Variants in CNTN5 observed in about 807,000 individuals in gnomAD.
CNTN5 encodes the protein contactin-5.
A neutral mutation model predicts 129.1 loss-of-function variants in CNTN5; 77 were observed. The observed-to-expected ratio is 0.60, with a 90% CI of 0.50 to 0.72. CNTN5 has a LOEUF of 0.72. Ranked by LOEUF, CNTN5 falls within the 30% of genes least tolerant of loss-of-function variation. CNTN5 has a pLI of 0.00. For synonymous variants in CNTN5, 509 were observed against 465.6 expected, an observed-to-expected ratio of 1.09 and a Z score of -1.20; for missense variants, 1,478 against 1,328.8, an observed-to-expected ratio of 1.11 and a Z score of -1.75.
intron 7 of CNTN5, among the ~76,000 whole-genome samples, chr11:99,923,998 G>C (rs1950001859): frequency 6.6e-6 from 1 of 152,092 alleles, no homozygotes; most frequent in Admixed American, 6.6e-5. Flanking sequence ...CACCATGTTG[G>C]CCACGATGGC....
At chr11:99,835,564 A>G (rs1387987947) in intron 4 of CNTN5, among the ~76,000 whole-genome samples, 1 of 152,172 alleles carries the variant, frequency 6.6e-6, no homozygotes, top group East Asian at 1.9e-4. Context: ...AAAATCCAAA[A>G]CAAGAACCAC....
chr11:99,328,997 A>G (rs1411493425), intron 2 of CNTN5, among the ~76,000 whole-genome samples: 1 of 152,064 alleles, frequency 6.6e-6, no homozygotes, highest in Non-Finnish European at 1.5e-5. Flanking sequence ...CTGAGGCTGC[A>G]TGAATTTCTT....
intron 2 of CNTN5, among the ~76,000 whole-genome samples, chr11:99,535,978 G>C (rs371737946): frequency 6.6e-6 from 1 of 152,062 alleles, no homozygotes; most frequent in Admixed American, 6.6e-5. Flanking sequence ...TGGGTTGCTA[G>C]CCTTTCAGAA....
chr11:99,560,571 G>A (rs915462619), intron 3 of CNTN5, among the ~76,000 whole-genome samples: 15 of 152,074 alleles, frequency 9.9e-5, no homozygotes, highest in Non-Finnish European at 2.1e-4. Context: ...GATAACAGGC[G>A]TGAGCCACCG....
intron 2 of CNTN5, among the ~76,000 whole-genome samples, chr11:99,339,064 A>C (rs1866390528): frequency 6.7e-6 from 1 of 150,060 alleles, no homozygotes; most frequent in Non-Finnish European, 1.5e-5. Context: ...CTATAGATAA[A>C]TGCTGAGGGG....
chr11:100,260,467 C>T (rs1950171782), intron 17 of CNTN5, among the ~76,000 whole-genome samples: 1 of 152,216 alleles, frequency 6.6e-6, no homozygotes, highest in South Asian at 2.1e-4. Context: ...CATCCTGATA[C>T]CAAAACCTGA....
chr11:100,249,769 A>AG (rs562639223), intron 16 of CNTN5, among the ~76,000 whole-genome samples: 165 of 152,286 alleles, frequency 1.1e-3, no homozygotes, highest in African/African-American at 3.8e-3. Context: ...AAATAGCAAA[A>AG]GTAGAATCAT....
chr11:99,166,544 T>C (rs530010527), intron 1 of CNTN5, among the ~76,000 whole-genome samples: 1 of 152,248 alleles, frequency 6.6e-6, no homozygotes, highest in African/African-American at 2.4e-5. Context: ...AAATGTATAC[T>C]AGAGGGAGTA....
At position 100,287,869 on chromosome 11, in the gene CNTN5, C is replaced by T. The variant is rs183458584; in HGVS notation, c.2315-9756C>T. On this transcript the variant is annotated intron_variant, in intron 18 of 24. Transcript: ENST00000524871. Reference sequence around the variant, plus strand: ...TGCTATATTCAGGAAACCCATCTCACGTGCAGAAACACACACAGGCTCAAA... The same window carrying T: ...TGCTATATTCAGGAAACCCATCTCATGTGCAGAAACACACACAGGCTCAAA... 1.5e-3 allele frequency among the ~76,000 whole-genome samples: 228 copies of T among 152,204 alleles called. 2 individuals are homozygous for T. The highest frequency in any genetic ancestry group is 4.9e-3 in the African/African-American group (204 of 41,516).
At chr11:100,033,600 T>C (rs935425054) in intron 9 of CNTN5, among the ~76,000 whole-genome samples, 2 of 152,198 alleles carry the variant, frequency 1.3e-5, no homozygotes, top group African/African-American at 4.8e-5. Flanking sequence ...TTTAACTCTC[T>C]TGCTACAATG....
intron 2 of CNTN5, among the ~76,000 whole-genome samples, chr11:99,501,133 A>G (rs1352439661): frequency 6.6e-6 from 1 of 152,136 alleles, no homozygotes; most frequent in East Asian, 1.9e-4. Context: ...AAAACACTAT[A>G]AATATTTGCT....
chr11:99,401,959 A>T (rs1941833848), intron 2 of CNTN5, among the ~76,000 whole-genome samples: 1 of 152,128 alleles, frequency 6.6e-6, no homozygotes, highest in South Asian at 2.1e-4. Context: ...GAGTTCTAAT[A>T]GATTTTTGGT....
chr11:100,216,590 CA>C (rs1329874704), intron 15 of CNTN5, among the ~76,000 whole-genome samples: 1 of 151,458 alleles, frequency 6.6e-6, no homozygotes, highest in African/African-American at 2.4e-5. Context: ...ATAAGTGTCA[CA>C]ATAAAAGTAA....
intron 3 of CNTN5, among the ~76,000 whole-genome samples, chr11:99,708,851 G>A (rs544494909): frequency 6.6e-6 from 1 of 151,660 alleles, no homozygotes; most frequent in East Asian, 2.0e-4. Context: ...GTCCAACTTG[G>A]CTTATATCCT....
chr11:100,039,585 C>G (rs1014002266), intron 9 of CNTN5, among the ~76,000 whole-genome samples: 2 of 152,182 alleles, frequency 1.3e-5, no homozygotes, highest in African/African-American at 4.8e-5. Context: ...GTTCCATTCT[C>G]CCCGTCACTT....
intron 3 of CNTN5, among the ~76,000 whole-genome samples, chr11:99,671,807 A>G (rs1156666220): frequency 6.6e-6 from 1 of 152,198 alleles, no homozygotes; most frequent in Non-Finnish European, 1.5e-5. Flanking sequence ...AATATATTCG[A>G]GTAGAAAATA....
At chr11:99,736,543 T>C (rs1012191603) in intron 3 of CNTN5, among the ~76,000 whole-genome samples, 3 of 152,212 alleles carry the variant, frequency 2.0e-5, no homozygotes, top group Admixed American at 2.0e-4. Context: ...TTGTATCTAA[T>C]GTGTTTAATC....
chr11:99,068,961 A>G (rs887241026), intron 1 of CNTN5, among the ~76,000 whole-genome samples: 1 of 152,052 alleles, frequency 6.6e-6, no homozygotes, highest in Non-Finnish European at 1.5e-5. Context: ...CTAGATTCTT[A>G]CCTTGTGTTA....
At chr11:99,561,289 A>AGAT (rs764762768) in intron 3 of CNTN5, among the ~76,000 whole-genome samples, 13 of 150,064 alleles carry the variant, frequency 8.7e-5, no homozygotes, top group South Asian at 2.1e-4. Flanking sequence ...CAATTTCAGC[A>AGAT]AATAAGTAAG....
Sources: allele counts gnomAD v4.1 joint callset (sites outside exome capture counted in the v4.1 genomes callset), GRCh38; gene constraint gnomAD v4.1.1; transcripts MANE v1.5; gene names NCBI Gene and HGNC (gene_info 2026-07-23, HGNC 2026-07-21).